The following DYNC1I1 variants were observed in gnomAD, a reference collection of about 807,000 sequenced individuals.
The protein encoded by DYNC1I1 is dynein cytoplasmic 1 intermediate chain 1.
A neutral mutation model predicts 86.6 loss-of-function variants in DYNC1I1; 43 were observed. That is an observed-to-expected ratio of 0.50 (90% CI 0.39 to 0.64). The LOEUF (loss-of-function observed/expected upper bound fraction) is 0.64. Ranked by LOEUF, DYNC1I1 falls within the 30% of genes least tolerant of loss-of-function variation. The probability of loss-of-function intolerance (pLI) is 0.00; values close to 1 mark genes in which losing one functional copy is unlikely to be tolerated. For missense variants in DYNC1I1, 604 were observed against 788.8 expected (o/e 0.77, Z 2.81); for synonymous variants, 262 against 283.7 (o/e 0.92, Z 0.77).
chr7:96,080,073 C>G (rs1330388847), intron 15 of DYNC1I1, among the ~76,000 whole-genome samples: 2 of 152,108 alleles, frequency 1.3e-5, no homozygotes, highest in African/African-American at 2.4e-5. Flanking sequence ...TGGATGTACA[C>G]TTGTCATAAT....
intron 12 of DYNC1I1, 29 bp downstream of exon 12, chr7:96,032,809 C>A: frequency 6.4e-7 from 1 of 1,558,334 alleles, no homozygotes; most frequent in Non-Finnish European, 8.8e-7. Context: ...ACACATAACA[C>A]CATCCTGGTT....
intron 1 of DYNC1I1, among the ~76,000 whole-genome samples, chr7:95,802,321 T>TC (rs1460751601): frequency 6.6e-6 from 1 of 152,170 alleles, no homozygotes; most frequent in Non-Finnish European, 1.5e-5. Flanking sequence ...TACTAAGAGT[T>TC]CCTTGGTCCC....
At chr7:96,099,631 G>T (rs980122344), downstream of DYNC1I1, among the ~76,000 whole-genome samples, 3 of 152,082 alleles carry the variant, frequency 2.0e-5, no homozygotes, top group African/African-American at 7.2e-5. Context: ...ATCCTCACAT[G>T]GTGAGGAGAG....
At chr7:95,810,870 CTCTT>C (rs1378964909) in intron 3 of DYNC1I1, among the ~76,000 whole-genome samples, 7 of 152,090 alleles carry the variant, frequency 4.6e-5, no homozygotes, top group East Asian at 1.9e-4. Context: ...GTTCCAGTGT[CTCTT>C]TGCCAATCTA....
intron 9 of DYNC1I1, among the ~76,000 whole-genome samples, chr7:95,995,285 T>TA (rs1236304839): frequency 8.0e-5 from 12 of 150,372 alleles, no homozygotes; most frequent in Admixed American, 5.9e-4. Flanking sequence ...AATAAATAAA[T>TA]AATGTAGAAT....
intron 5 of DYNC1I1, 97 bp downstream of exon 5, chr7:95,828,213 G>A (rs1795245197): frequency 7.4e-7 from 1 of 1,356,480 alleles, no homozygotes; most frequent in South Asian, 1.2e-5. Flanking sequence ...CTCCCCTTTT[G>A]TTGAACTTCC....
intron 9 of DYNC1I1, among the ~76,000 whole-genome samples, chr7:95,992,778 C>T (rs1793763341): frequency 6.6e-6 from 1 of 152,004 alleles, no homozygotes; most frequent in African/African-American, 2.4e-5. Context: ...CACAACCTGG[C>T]TAATTTTTGT....
At chr7:95,791,438 A>C (rs536223531) in intron 1 of DYNC1I1, among the ~76,000 whole-genome samples, 1 of 152,224 alleles carries the variant, frequency 6.6e-6, no homozygotes, top group Non-Finnish European at 1.5e-5. Context: ...GCTTGTTATC[A>C]GTTATTTTAA....
intron 6 of DYNC1I1, among the ~76,000 whole-genome samples, chr7:95,926,483 T>G (rs549692157): frequency 6.6e-6 from 1 of 152,104 alleles, no homozygotes; most frequent in African/African-American, 2.4e-5. Flanking sequence ...AAGACTGAAA[T>G]GGTTACAAAA....
chr7:95,954,915 C>A (rs1319238421), intron 6 of DYNC1I1, among the ~76,000 whole-genome samples: 87 of 81,846 alleles, frequency 1.1e-3, no homozygotes, highest in Admixed American at 1.3e-3. Context: ...GACTCTGTCT[C>A]AAAAAAAAAA....
intron 6 of DYNC1I1, among the ~76,000 whole-genome samples, chr7:95,879,200 A>G (rs1790387030): frequency 1.3e-5 from 2 of 152,214 alleles, no homozygotes; most frequent in Admixed American, 6.5e-5. Flanking sequence ...GATAGTATAC[A>G]TAAATATTTC....
At chr7:95,816,975 A>T (rs1794961023) in intron 4 of DYNC1I1, among the ~76,000 whole-genome samples, 1 of 152,200 alleles carries the variant, frequency 6.6e-6, no homozygotes, top group Non-Finnish European at 1.5e-5. Context: ...AAGCATTAGC[A>T]CTTTATAGTC....
intron 10 of DYNC1I1, among the ~76,000 whole-genome samples, chr7:96,020,648 C>T (rs1794523709): frequency 6.6e-6 from 1 of 152,178 alleles, no homozygotes; most frequent in Non-Finnish European, 1.5e-5. Flanking sequence ...TGCATTTCCA[C>T]TTACAAGTAT....
At chr7:95,895,733 A>G (rs897055565) in intron 6 of DYNC1I1, among the ~76,000 whole-genome samples, 45 of 152,390 alleles carry the variant, frequency 3.0e-4, no homozygotes, top group African/African-American at 1.0e-3. Context: ...GCAAAAAAAA[A>G]GTGAGAAATG....
At chr7:95,897,826 G>A (rs1375175210) in intron 6 of DYNC1I1, among the ~76,000 whole-genome samples, 1 of 151,138 alleles carries the variant, frequency 6.6e-6, no homozygotes, top group Non-Finnish European at 1.5e-5. Flanking sequence ...AGGGAGTGAT[G>A]TCAGCCTGTA....
intron 1 of DYNC1I1, among the ~76,000 whole-genome samples, chr7:95,789,672 T>C (rs1205480113): frequency 1.3e-5 from 2 of 152,142 alleles, no homozygotes; most frequent in Non-Finnish European, 2.9e-5. Context: ...CCTGTGGTAG[T>C]GAACACCTTT....
chr7:95,920,037 A>T (rs1415132544), intron 6 of DYNC1I1, among the ~76,000 whole-genome samples: 3 of 152,244 alleles, frequency 2.0e-5, no homozygotes, highest in Non-Finnish European at 4.4e-5. Flanking sequence ...ATAGCTCCCC[A>T]CACCTGAAGT....
intron 16 of DYNC1I1, among the ~76,000 whole-genome samples, chr7:96,108,634 C>T (rs911097582): frequency 4.6e-5 from 7 of 151,870 alleles, no homozygotes; most frequent in South Asian, 2.1e-4. Flanking sequence ...GAGGCCGAGG[C>T]GGGTGGATCA....
intron 5 of DYNC1I1, among the ~76,000 whole-genome samples, chr7:95,838,308 C>T (rs952992477): frequency 6.6e-6 from 1 of 151,904 alleles, no homozygotes; most frequent in Non-Finnish European, 1.5e-5. Context: ...ATCATTTTTC[C>T]ATTTTGTATT....
Sources: gnomAD v4.1 joint callset for allele counts (sites outside exome capture counted in the v4.1 genomes callset) on GRCh38, gnomAD v4.1.1 for gene constraint, MANE v1.5 for transcripts, NCBI Gene and HGNC (gene_info 2026-07-23, HGNC 2026-07-21) for gene names.